Variants in WDR37 observed in about 807,000 individuals in gnomAD.
WDR37 encodes the protein WD repeat domain 37, also known as WD repeat-containing protein 37.
A neutral mutation model predicts 62.9 loss-of-function variants in WDR37; 19 were observed. The observed-to-expected ratio is 0.30, with a 90% CI of 0.21 to 0.44. The LOEUF is 0.44. WDR37 is among the 20% of genes least tolerant of loss of function. The pLI is 1.00. For missense variants in WDR37, 474 were observed against 657.6 expected (o/e 0.72, Z 3.05); for synonymous variants, 250 against 260.9 (o/e 0.96, Z 0.40).
At chr10:1,101,529 C>T (rs531648738) in intron 9 of WDR37, among the ~76,000 whole-genome samples, 32 of 152,280 alleles carry the variant, frequency 2.1e-4, no homozygotes, top group Admixed American at 6.5e-5. Context: ...GTGAGGACTT[C>T]GACACAGGAA....
intron 1 of WDR37, among the ~76,000 whole-genome samples, chr10:1,071,327 G>A (rs985191815): frequency 3.3e-5 from 5 of 152,118 alleles, no homozygotes; most frequent in African/African-American, 1.2e-4. Flanking sequence ...GGAGGGATCA[G>A]TAATAGCAAA....
At chr10:1,086,064 G>T (rs901138651) in intron 6 of WDR37, among the ~76,000 whole-genome samples, 15 of 152,232 alleles carry the variant, frequency 9.9e-5, no homozygotes, top group African/African-American at 3.6e-4. Context: ...GTCTCTGGTT[G>T]TCCGTTAGCT....
Position 1,066,449 on chromosome 10 carries a change from A to G in WDR37, c.-40-5667A>G, listed in dbSNP as rs375830603. Among the ~76,000 whole-genome samples the G allele has an allele frequency of 3.0e-3, 452 of 152,304 alleles. 1 individual carries two copies. Among genetic ancestry groups the G allele is most frequent in the African/African-American group, 0.01 (428 of 41,582 alleles). On this transcript the variant is annotated intron_variant, in intron 1 of 13. Transcript: ENST00000263150. The stretch of plus-strand genomic sequence containing the variant: ...GGACTAATGCAGAAAAAACCTTGAC[A>G]TGGAGGAAAGTAAGATCTAAATAAA...
intron 11 of WDR37, among the ~76,000 whole-genome samples, chr10:1,110,655 G>C (rs926263944): frequency 6.6e-6 from 1 of 152,200 alleles, no homozygotes; most frequent in Non-Finnish European, 1.5e-5. Flanking sequence ...TGTGTGTTCC[G>C]TTTGGTCACT....
At chr10:1,126,029 C>T (rs185235832) in intron 13 of WDR37, among the ~76,000 whole-genome samples, 131 of 152,272 alleles carry the variant, frequency 8.6e-4, no homozygotes, top group South Asian at 8.3e-4. Context: ...GCTCTGCAGC[C>T]GGGCCTCACT....
chr10:1,078,341 A>G (rs1309723537), intron 3 of WDR37, among the ~76,000 whole-genome samples: 1 of 152,252 alleles, frequency 6.6e-6, no homozygotes, highest in East Asian at 1.9e-4. Context: ...CATATACTAT[A>G]TCTGACTTAT....
At chr10:1,093,120 C>G (rs1182666252) in intron 7 of WDR37, among the ~76,000 whole-genome samples, 2 of 151,952 alleles carry the variant, frequency 1.3e-5, no homozygotes, top group African/African-American at 4.8e-5. Flanking sequence ...TATAATTTGT[C>G]TTCACCCGTT....
intron 7 of WDR37, among the ~76,000 whole-genome samples, chr10:1,089,617 A>T (rs188097723): frequency 8.0e-6 from 1 of 125,204 alleles, no homozygotes; most frequent in Non-Finnish European, 1.8e-5. Flanking sequence ...CCACAATTCA[A>T]CCTTCCCATG....
intron 6 of WDR37, among the ~76,000 whole-genome samples, chr10:1,084,816 A>G (rs10903361): frequency 0.57 from 86,868 of 152,114 alleles, 25,634 homozygotes; most frequent in Non-Finnish European, 0.65. Flanking sequence ...GCTCCCATGA[A>G]TAGATGTGCA....
In WDR37 at chr10:1,103,978, C is replaced by T. The variant is rs1834905496; in HGVS notation, c.961+142C>T. 3 of 805,054 alleles carry T rather than the reference C, an allele frequency of 3.7e-6. No homozygotes were observed. The highest frequency in any genetic ancestry group is 5.8e-6 in the Non-Finnish European group (3 of 518,560). 49.9% of individuals were successfully genotyped at this position (805,054 alleles called of 1,614,324 possible). A position where few individuals can be genotyped will look rare whatever the true frequency, so the allele number is the denominator to read the frequency against. ...TCTTCTGTGGTAATTTTTGGAGATTCTTTCTATTAATAATAGAACTATTGG... is the reference window on the plus strand; with the variant it reads ...TCTTCTGTGGTAATTTTTGGAGATTTTTTCTATTAATAATAGAACTATTGG... On this transcript the variant is annotated intron_variant, in intron 10 of 13. Coordinates refer to ENST00000263150, the MANE Select transcript of WDR37 (RefSeq NM_014023.4). The surrounding 1 kb of genome is among the most constrained non-coding windows in gnomAD (Gnocchi z 6.3).
intron 9 of WDR37, among the ~76,000 whole-genome samples, chr10:1,098,641 A>G (rs115018570): frequency 0.012 from 1,804 of 152,228 alleles, 38 homozygotes; most frequent in African/African-American, 0.041. Flanking sequence ...TGCTAATATT[A>G]ATAGAAGAGC....
chr10:1,103,834 C>A lies in WDR37; in HGVS notation c.959C>A (p.Thr320Lys). 1 of 1,613,894 alleles carries A rather than the reference C, an allele frequency of 6.2e-7. No homozygotes were observed. The highest frequency in any genetic ancestry group is 8.5e-7 in the Non-Finnish European group (1 of 1,179,790). ...ACGTCCGAGCTCGTTCACTCTCTGA[C>A]AGGTGCCTGGGTTCTCTGAGTCCGC... ...VETSELVHSL[T>K]GHDQELTHCC... Residue 320 changes from threonine to lysine, a missense_variant and splice_region_variant, in exon 10 of 14, where the codon ACA (threonine) becomes AAA (lysine). By Grantham distance (78) the Thr-to-Lys change is moderately conservative. Coordinates refer to ENST00000263150, the MANE Select transcript of WDR37 (RefSeq NM_014023.4). This position sits in a 1 kb window ranked among gnomAD's most constrained non-coding sequence, Gnocchi z 6.3.
At chr10:1,114,289 G>A (rs1051734945) in intron 11 of WDR37, among the ~76,000 whole-genome samples, 1 of 152,144 alleles carries the variant, frequency 6.6e-6, no homozygotes, top group East Asian at 1.9e-4. Flanking sequence ...CATCACATGC[G>A]GTAGAGAAAT....
intron 10 of WDR37, among the ~76,000 whole-genome samples, chr10:1,104,793 G>A (rs754278922): frequency 6.6e-5 from 10 of 152,170 alleles, no homozygotes; most frequent in Non-Finnish European, 1.3e-4. Flanking sequence ...GACCCATAGC[G>A]TTGTATCATT....
chr10:1,072,989 T>C (rs1833772020), intron 2 of WDR37, among the ~76,000 whole-genome samples: 1 of 152,222 alleles, frequency 6.6e-6, no homozygotes, highest in Non-Finnish European at 1.5e-5. Flanking sequence ...TCAGATCTTT[T>C]AGTGACTTTG....
intron 1 of WDR37, among the ~76,000 whole-genome samples, chr10:1,065,457 C>T (rs768686363): frequency 1.3e-5 from 2 of 151,708 alleles, no homozygotes; most frequent in South Asian, 2.1e-4. Context: ...GTTTACCCCA[C>T]GAGAAGGCAA....
intron 7 of WDR37, among the ~76,000 whole-genome samples, chr10:1,091,477 A>G (rs1184764800): frequency 6.6e-6 from 1 of 152,232 alleles, no homozygotes; most frequent in East Asian, 1.9e-4. Flanking sequence ...TTCCTTAGAA[A>G]AATATAATTC....
chr10:1,103,606 C>T lies in WDR37; in HGVS notation c.731C>T (p.Ser244Phe), dbSNP rs1185795390. Residue 244 changes from serine to phenylalanine, a missense_variant, in exon 10 of 14, where the codon TCT becomes TTT. Physicochemically the swap from Ser to Phe is radical, Grantham distance 155 (BLOSUM62 -2). Transcript: ENST00000263150. This position sits in a 1 kb window ranked among gnomAD's most constrained non-coding sequence, Gnocchi z 6.3. ...TPQPVADTSI[S>F]GEDEVECSDK... ...TGGCCTTCCCTTTGGCAGCAGATAT[C>T]TGGGGAAGATGAAGTAGAGTGCTCT... 1 of 1,613,454 alleles carries T rather than the reference C, an allele frequency of 6.2e-7. No individual in the cohort carries two copies. The highest frequency in any genetic ancestry group is 1.7e-5 in the Admixed American group (1 of 60,030).
In WDR37 at chr10:1,114,411, A is replaced by G. The variant is rs572597024; in HGVS notation, c.1103+9144A>G. ...CCCTTATCAGTCAGCAGCCATCAGC[A>G]TCGAGGCAGGACCCTCCACCAGCAA... On this transcript the variant is annotated intron_variant, in intron 11 of 13. Transcript: ENST00000263150. Among the ~76,000 whole-genome samples, 6 of 152,380 alleles carry G rather than the reference A, an allele frequency of 3.9e-5. No individual in the cohort carries two copies. The South Asian group carries it at 1.2e-3, about 32-fold the overall frequency.
Sources: gnomAD v4.1 joint callset for allele counts (sites outside exome capture counted in the v4.1 genomes callset) on GRCh38, gnomAD v4.1.1 for gene constraint, Gnocchi (gnomAD v3.1) non-coding constraint, MANE v1.5 for transcripts, NCBI Gene and HGNC (gene_info 2026-07-23, HGNC 2026-07-21) for gene names.